Variants in HERC3 observed in about 807,000 individuals in gnomAD.
The protein encoded by HERC3 is probable E3 ubiquitin-protein ligase HERC3.
HERC3 carries 58 observed loss-of-function variants against 129.9 expected under a neutral mutation model. The ratio of observed to expected loss-of-function variants is 0.45; its 90% confidence interval spans 0.36 to 0.56. The LOEUF (loss-of-function observed/expected upper bound fraction) is 0.56, where lower values mean the gene tolerates loss of function less well. Ranked by LOEUF, HERC3 falls within the 20% of genes least tolerant of loss-of-function variation. HERC3 has a pLI of 0.00. For synonymous variants in HERC3, 430 were observed against 451.0 expected (o/e 0.95, Z 0.59); for missense variants, 835 against 1,244.2 (o/e 0.67, Z 4.95).
intron 23 of HERC3, among the ~76,000 whole-genome samples, chr4:88,703,702 A>AGGATAG (rs75147670): frequency 0.36 from 53,939 of 151,780 alleles, 10,366 homozygotes; most frequent in East Asian, 0.53. Context: ...TTTGTTTCTG[A>AGGATAG]GGAAAATGGC....
At chr4:88,669,822 A>G (rs754703815) in intron 14 of HERC3, 38 bp from the exon 15 acceptor site, 1 of 1,571,616 alleles carries the variant, frequency 6.4e-7, no homozygotes, top group South Asian at 1.1e-5. Context: ...CTTGCCCAAG[A>G]TTACATGTTG....
chr4:88,682,956 T>C (rs1020099656), intron 21 of HERC3, among the ~76,000 whole-genome samples: 1 of 152,172 alleles, frequency 6.6e-6, no homozygotes, highest in African/African-American at 2.4e-5. Context: ...AAAAGTGTTC[T>C]TATTTCTCCA....
At chr4:88,566,654 T>C in the HERC3 span, among the ~76,000 whole-genome samples, 1 of 152,238 alleles carries the variant, frequency 6.6e-6, no homozygotes, top group Non-Finnish European at 1.5e-5. Context: ...AAGAACTCCC[T>C]TTAACATTTC....
chr4:88,690,517 A>G, intron 23 of HERC3: 1 of 985,444 alleles, frequency 1.0e-6, no homozygotes, highest in Non-Finnish European at 1.2e-6. Context: ...GGGATAGGCA[A>G]GCATCCTGAG....
chr4:88,553,864 G>T, the HERC3 span, among the ~76,000 whole-genome samples: 3 of 152,224 alleles, frequency 2.0e-5, no homozygotes, highest in Non-Finnish European at 4.4e-5. Flanking sequence ...AAGTTCACCT[G>T]TTCAAGAACT....
At chr4:88,548,709 G>T in the HERC3 span, among the ~76,000 whole-genome samples, 2 of 149,264 alleles carry the variant, frequency 1.3e-5, no homozygotes, top group Admixed American at 1.3e-4. Flanking sequence ...TGCCCAGGCT[G>T]GAGGGCAGTG....
At chr4:88,691,613 A>G (rs553817116) in intron 23 of HERC3, among the ~76,000 whole-genome samples, 1 of 152,250 alleles carries the variant, frequency 6.6e-6, no homozygotes, top group African/African-American at 2.4e-5. Context: ...TCTTTACTAT[A>G]GCTGTTTTGG....
At chr4:88,678,980 T>C (rs759681863) in intron 19 of HERC3, among the ~76,000 whole-genome samples, 1 of 152,216 alleles carries the variant, frequency 6.6e-6, no homozygotes, top group Non-Finnish European at 1.5e-5. Context: ...AGTATTCTTC[T>C]GGCATCTGTG....
At chr4:88,661,142 C>T (rs1478283423) in intron 10 of HERC3, among the ~76,000 whole-genome samples, 21 of 152,002 alleles carry the variant, frequency 1.4e-4, no homozygotes, top group Admixed American at 1.2e-3. Context: ...TTCAGCTGCC[C>T]CTTTGAATGG....
chr4:88,613,998 G>C (rs1015167300), intron 3 of HERC3, among the ~76,000 whole-genome samples: 7 of 152,104 alleles, frequency 4.6e-5, no homozygotes, highest in Non-Finnish European at 1.0e-4. Context: ...ATTCTATAAA[G>C]ATACTTGAGT....
At chr4:88,535,945 A>G in the HERC3 span, among the ~76,000 whole-genome samples, 48 of 152,328 alleles carry the variant, frequency 3.2e-4, 1 homozygote, top group East Asian at 8.5e-3. Flanking sequence ...AGTGCATCCA[A>G]TTCTTGGTTC....
At chr4:88,617,894 A>AG (rs1247742729) in intron 3 of HERC3, among the ~76,000 whole-genome samples, 1 of 151,868 alleles carries the variant, frequency 6.6e-6, no homozygotes, top group Non-Finnish European at 1.5e-5. Flanking sequence ...GAAAAAAAAA[A>AG]CAGGGAGTGC....
At chr4:88,562,626 T>C in the HERC3 span, among the ~76,000 whole-genome samples, 1 of 152,348 alleles carries the variant, frequency 6.6e-6, no homozygotes, top group East Asian at 1.9e-4. Flanking sequence ...AGTATTTTTA[T>C]AGTTTGAGGT....
chr4:88,616,114 A>G (rs1315306820), intron 3 of HERC3, among the ~76,000 whole-genome samples: 3 of 152,216 alleles, frequency 2.0e-5, no homozygotes, highest in African/African-American at 7.2e-5. Context: ...TAGGGTTGTT[A>G]AGGGAGAGTT....
chr4:88,600,451 T>TA (rs1722855259), intron 2 of HERC3, among the ~76,000 whole-genome samples: 1 of 152,216 alleles, frequency 6.6e-6, no homozygotes, highest in Non-Finnish European at 1.5e-5. Context: ...ATTTAATATA[T>TA]ATTTCTTACT....
intron 3 of HERC3, among the ~76,000 whole-genome samples, chr4:88,641,875 T>C (rs1458001104): frequency 6.6e-6 from 1 of 152,050 alleles, no homozygotes; most frequent in East Asian, 1.9e-4. Flanking sequence ...CCCAGCACTT[T>C]GGGAGGCTGA....
At chr4:88,638,415 TG>T (rs1027364665) in intron 3 of HERC3, among the ~76,000 whole-genome samples, 10 of 152,224 alleles carry the variant, frequency 6.6e-5, no homozygotes, top group Admixed American at 6.5e-4. Context: ...AGCTTCATCC[TG>T]GGATGCAAGG....
At position 88,685,295 on chromosome 4, in the gene HERC3, C is replaced by T. The variant is rs368737862; in HGVS notation, c.2508-1441C>T. 2.4e-4 allele frequency among the ~76,000 whole-genome samples: 36 copies of T among 152,310 alleles called. No individual in the cohort carries two copies. In the South Asian group the frequency reaches 3.1e-3, roughly 13 times the overall value. On this transcript the variant is annotated intron_variant, in intron 21 of 25. Transcript: ENST00000402738. Reference sequence around the variant, plus strand: ...ATTCTACTGTAAAGACACATGCACACACGTATGTTTATTGCAGCACTATTT... The same window carrying T: ...ATTCTACTGTAAAGACACATGCACATACGTATGTTTATTGCAGCACTATTT...
At chr4:88,527,713 C>T in the HERC3 span, 1 of 296,700 alleles carries the variant, frequency 3.4e-6, no homozygotes, top group Non-Finnish European at 6.6e-6. Context: ...GGTTGCCTTC[C>T]TGGGCTGCAT....
Sources: gnomAD v4.1 joint callset for allele counts (sites outside exome capture counted in the v4.1 genomes callset) on GRCh38, gnomAD v4.1.1 for gene constraint, MANE v1.5 for transcripts, NCBI Gene and HGNC (gene_info 2026-07-23, HGNC 2026-07-21) for gene names.